MEIS1: variants seen among roughly 807,000 people sequenced by gnomAD.
MEIS1 encodes Meis homeobox 1.
A neutral mutation model predicts 50.8 loss-of-function variants in MEIS1; 5 were observed. The observed-to-expected ratio is 0.10, with a 90% CI of 0.05 to 0.21. MEIS1 has a LOEUF of 0.21. Among genes scored for constraint, MEIS1 ranks in the 10% least tolerant of loss-of-function variants. MEIS1 has a pLI of 1.00. For missense variants in MEIS1, 318 were observed against 517.3 expected (o/e 0.61, Z 3.74); for synonymous variants, 176 against 179.3 (o/e 0.98, Z 0.15).
chr2:66,494,270 C>A (rs75486612), intron 7 of MEIS1, among the ~76,000 whole-genome samples: 3,585 of 152,216 alleles, frequency 0.024, 147 homozygotes, highest in African/African-American at 0.081. Flanking sequence ...AGACCAAATT[C>A]TTTGTTAAAG....
In MEIS1 at chr2:66,480,568, A is replaced by G. The variant is rs1373487361; in HGVS notation, c.742+16348A>G. ...AATGCAGAATATATTTTTGGTAAAA[A>G]GATTTGATCTTTTTGTCTGTTTTTC... On this transcript the variant is annotated intron_variant, in intron 7 of 12. Coordinates refer to ENST00000272369, the MANE Select transcript of MEIS1 (RefSeq NM_002398.3). Among the ~76,000 whole-genome samples the G allele has an allele frequency of 1.3e-5, 2 of 152,230 alleles. 1 individual carries two copies. Among genetic ancestry groups the G allele is most frequent in the Non-Finnish European group, 2.9e-5 (2 of 68,044 alleles).
chr2:66,474,148 C>G (rs770572380), intron 7 of MEIS1, among the ~76,000 whole-genome samples: 1 of 151,976 alleles, frequency 6.6e-6, no homozygotes, highest in Non-Finnish European at 1.5e-5. Flanking sequence ...ATGTAGAACA[C>G]ATGCATATGG....
intron 2 of MEIS1, chr2:66,439,597 G>C: frequency 1.3e-6 from 2 of 1,533,034 alleles, no homozygotes; most frequent in African/African-American, 2.7e-5. Context: ...TCTCCGGCCA[G>C]ATACGCTAAA....
At chr2:66,491,600 C>T (rs1374115665) in intron 7 of MEIS1, among the ~76,000 whole-genome samples, 1 of 152,182 alleles carries the variant, frequency 6.6e-6, no homozygotes, top group Non-Finnish European at 1.5e-5. Flanking sequence ...TCTGTTTGTA[C>T]AGGCCCTAAA....
At chr2:66,453,350 T>C (rs1672317061) in intron 6 of MEIS1, among the ~76,000 whole-genome samples, 1 of 151,992 alleles carries the variant, frequency 6.6e-6, no homozygotes, top group South Asian at 2.1e-4. Flanking sequence ...AATGACATTC[T>C]GATTAACTGG....
intron 9 of MEIS1, among the ~76,000 whole-genome samples, chr2:66,552,470 A>G (rs1316433114): frequency 6.6e-6 from 1 of 152,218 alleles, no homozygotes; most frequent in Non-Finnish European, 1.5e-5. Context: ...GAGAGCATAT[A>G]AAATTCCAGG....
In MEIS1 at chr2:66,473,321, T is replaced by A. The variant is rs571133191; in HGVS notation, c.742+9101T>A. Among the ~76,000 whole-genome samples the A allele has an allele frequency of 4.3e-3, 611 of 141,586 alleles. 6 individuals are homozygous for A. Among genetic ancestry groups the A allele is most frequent in the African/African-American group, 0.016 (581 of 37,392 alleles). The allele number at this position is 141,586 out of a possible 152,430, so 92.9% of individuals were successfully genotyped here. ...TGAATCTGGAAGGCAGAGGTTGCGG[T>A]GAGCCGAGATTGTGCCATTGCACTC... On this transcript the variant is annotated intron_variant, in intron 7 of 12. Coordinates refer to ENST00000272369, the MANE Select transcript of MEIS1 (RefSeq NM_002398.3).
At chr2:66,536,877 A>ATT (rs1674531864) in intron 8 of MEIS1, among the ~76,000 whole-genome samples, 1 of 152,176 alleles carries the variant, frequency 6.6e-6, no homozygotes, top group African/African-American at 2.4e-5. Flanking sequence ...TTTAAAGTGC[A>ATT]TTCTCTCTCT....
chr2:66,518,104 TATGC>T (rs1674013959), intron 8 of MEIS1, among the ~76,000 whole-genome samples: 1 of 152,184 alleles, frequency 6.6e-6, no homozygotes, highest in Non-Finnish European at 1.5e-5. Flanking sequence ...CACTTGTAGT[TATGC>T]ACCTCTGACC....
At chr2:66,483,887 G>T (rs1673076853) in intron 7 of MEIS1, among the ~76,000 whole-genome samples, 1 of 152,118 alleles carries the variant, frequency 6.6e-6, no homozygotes, top group Non-Finnish European at 1.5e-5. Context: ...AATATATTTG[G>T]CCACTAACAA....
intron 5 of MEIS1, among the ~76,000 whole-genome samples, chr2:66,442,018 C>A (rs558857528): frequency 7.9e-5 from 12 of 152,194 alleles, no homozygotes; most frequent in South Asian, 6.2e-4. Context: ...ATAGTTGTGT[C>A]AATTTCTTGA....
intron 7 of MEIS1, among the ~76,000 whole-genome samples, chr2:66,499,389 C>G (rs930720545): frequency 2.0e-5 from 3 of 152,026 alleles, no homozygotes; most frequent in African/African-American, 7.2e-5. Context: ...TGACCCTTGG[C>G]ATTTCCTCTC....
chr2:66,491,806 T>C (rs1389881967), intron 7 of MEIS1, among the ~76,000 whole-genome samples: 3 of 151,974 alleles, frequency 2.0e-5, no homozygotes, highest in African/African-American at 7.2e-5. Context: ...CTCCCTTAAT[T>C]CCACAATGGA....
rs765449060 is a variant in MEIS1, at chr2:66,512,343, C to T, written c.888+49C>T. Reference sequence around the variant, plus strand: ...TATAAACTAAATATGGACAATGAACCAGTTTTTATACAAAAAAATGAGAAA... The same window carrying T: ...TATAAACTAAATATGGACAATGAACTAGTTTTTATACAAAAAAATGAGAAA... On this transcript the variant is annotated intron_variant, in intron 8 of 12. Transcript: ENST00000272369. The T allele has an allele frequency of 6.5e-6, 10 of 1,545,516 alleles. No individual in the cohort carries two copies. In the Admixed American group the frequency reaches 8.1e-5, roughly 13 times the overall value.
intron 8 of MEIS1, among the ~76,000 whole-genome samples, chr2:66,521,436 A>G (rs1372844697): frequency 6.6e-6 from 1 of 152,066 alleles, no homozygotes; most frequent in Non-Finnish European, 1.5e-5. Flanking sequence ...AGATAGAGGA[A>G]ACTGCTTATG....
intron 9 of MEIS1, among the ~76,000 whole-genome samples, chr2:66,555,211 G>C (rs1675025235): frequency 6.6e-6 from 1 of 150,928 alleles, no homozygotes; most frequent in Non-Finnish European, 1.5e-5. Flanking sequence ...GAGTTTTATA[G>C]GTCAGCAGAA....
intron 8 of MEIS1, among the ~76,000 whole-genome samples, chr2:66,522,140 A>G (rs72822900): frequency 0.022 from 3,362 of 152,320 alleles, 51 homozygotes; most frequent in Non-Finnish European, 0.031. Flanking sequence ...GATTAGTGGA[A>G]TTTGGTTCCT....
rs371830223 is a variant in MEIS1 at position 66,557,646 on chromosome 2, T to C, written c.965+9627T>C. ...CCTTTCAAGGCTGAGCAATGTTCCA[T>C]TGTATGGATATAAGGTATCTTTTTT... is the stretch of plus-strand genomic sequence containing the variant. On this transcript the variant is annotated intron_variant, in intron 9 of 12. Coordinates refer to ENST00000272369, the MANE Select transcript of MEIS1 (RefSeq NM_002398.3). Among the ~76,000 whole-genome samples the C allele has an allele frequency of 6.6e-5, 10 of 152,334 alleles. No homozygotes were observed. In the East Asian group the frequency reaches 1.9e-3, roughly 29 times the overall value.
chr2:66,497,692 C>A (rs533123012), intron 7 of MEIS1, among the ~76,000 whole-genome samples: 1 of 152,104 alleles, frequency 6.6e-6, no homozygotes, highest in African/African-American at 2.4e-5. Context: ...CTTAGGACTT[C>A]GAGAGCAGCC....
Sources: gnomAD v4.1 joint callset for allele counts (sites outside exome capture counted in the v4.1 genomes callset) on GRCh38, gnomAD v4.1.1 for gene constraint, MANE v1.5 for transcripts, NCBI Gene and HGNC (gene_info 2026-07-23, HGNC 2026-07-21) for gene names.